Variants in HNF4A observed in about 807,000 individuals in gnomAD.
The protein encoded by HNF4A is hepatocyte nuclear factor 4 alpha, also known as hepatocyte nuclear factor 4-alpha.
Under a neutral mutation model 52.4 loss-of-function variants are expected in HNF4A, and 15 were observed. The ratio of observed to expected loss-of-function variants is 0.29; its 90% CI spans 0.19 to 0.44. The LOEUF (loss-of-function observed/expected upper bound fraction) is 0.44, where lower values mean the gene tolerates loss of function less well. Among genes scored for constraint, HNF4A ranks in the 20% least tolerant of loss-of-function variants. HNF4A has a pLI of 1.00. For synonymous variants in HNF4A, 280 were observed against 264.4 expected (o/e 1.06, Z -0.57); for missense variants, 479 against 647.2 (o/e 0.74, Z 2.82).
Position 44,429,766 on chromosome 20 carries a change from C to G in HNF4A, c.*101C>G, listed in dbSNP as rs2063856727. 1 of 1,239,610 alleles carries G rather than the reference C, an allele frequency of 8.1e-7. No individual in the cohort carries two copies. The highest frequency in any genetic ancestry group is 1.2e-6 in the Non-Finnish European group (1 of 852,948). 76.8% of individuals were successfully genotyped at this position (1,239,610 alleles called of 1,614,324 possible). A position where few individuals can be genotyped will look rare whatever the true frequency, so the allele number is the denominator to read the frequency against. On this transcript the variant is annotated 3_prime_UTR_variant, in exon 10 of 10. Transcript: ENST00000316099. ...GGCAAAGGAAGACGTGATGCCAGGACCAGTCCCAGAGCAGGAATGGGAAGG... is the reference window on the plus strand; with the variant it reads ...GGCAAAGGAAGACGTGATGCCAGGAGCAGTCCCAGAGCAGGAATGGGAAGG...
intron 1 of HNF4A, among the ~76,000 whole-genome samples, chr20:44,394,359 G>A (rs2063333240): frequency 6.6e-6 from 1 of 152,088 alleles, no homozygotes; most frequent in South Asian, 2.1e-4. Flanking sequence ...GTGCAATGAG[G>A]GGATGGGGCT....
chr20:44,406,303 C>A, intron 2 of HNF4A, 71 bp downstream of exon 2: 1 of 1,410,674 alleles, frequency 7.1e-7, no homozygotes, highest in Non-Finnish European at 9.8e-7. Context: ...TCTGTCTTCT[C>A]CCTGAGTGGG....
intron 1 of HNF4A, among the ~76,000 whole-genome samples, chr20:44,365,993 C>T (rs903315670): frequency 2.0e-5 from 3 of 152,024 alleles, no homozygotes; most frequent in East Asian, 1.9e-4. Context: ...GGTGACACAG[C>T]GTAATCCTAG....
rs1045220039 is a variant in HNF4A at position 44,411,461 on chromosome 20, C to T, written c.386-2233C>T. ...GCTGCTGACAGCAGCCCTTTCATTC[C>T]GCCCGCCGGCCACTCGGCGCCCTGA... is the stretch of plus-strand genomic sequence containing the variant. On this transcript the variant is annotated intron_variant, in intron 3 of 9. Coordinates refer to ENST00000316099, the MANE Select transcript of HNF4A (RefSeq NM_000457.6). 1.9e-4 allele frequency among the ~76,000 whole-genome samples: 29 copies of T among 152,146 alleles called. 1 individual carries two copies. Among genetic ancestry groups the T allele is most frequent in the Admixed American group, 1.8e-3 (27 of 15,300 alleles).
intron 7 of HNF4A, among the ~76,000 whole-genome samples, chr20:44,421,636 C>T (rs1281013322): frequency 1.3e-5 from 2 of 151,790 alleles, no homozygotes; most frequent in African/African-American, 2.4e-5. Context: ...TGCCTGTAAT[C>T]CCAGCTACTC....
intron 1 of HNF4A, among the ~76,000 whole-genome samples, chr20:44,362,159 C>G (rs776811494): frequency 1.3e-5 from 2 of 151,902 alleles, no homozygotes; most frequent in Non-Finnish European, 2.9e-5. Flanking sequence ...GGATTACACG[C>G]CTGTAATCCC....
Position 44,424,525 on chromosome 20 carries a change from C to G in HNF4A, c.1129+271C>G, listed in dbSNP as rs2063792310. The G allele has an allele frequency of 2.9e-6, 3 of 1,042,404 alleles. No individual in the cohort carries two copies. The East Asian group carries it at 7.8e-5, about 27-fold the overall frequency. The allele number at this position is 1,042,404 out of a possible 1,614,324, so 64.6% of individuals were successfully genotyped here. A position where few individuals can be genotyped will look rare whatever the true frequency, so the allele number is the denominator to read the frequency against. ...AACAAGATCTTTGCCCTCGGGGAGG[C>G]TGTGTGTGTGTGAGTATGTATGGAT... On this transcript the variant is annotated intron_variant, in intron 8 of 9. Coordinates refer to ENST00000316099, the MANE Select transcript of HNF4A (RefSeq NM_000457.6).
At chr20:44,361,490 G>A (rs2062916090) in intron 1 of HNF4A, among the ~76,000 whole-genome samples, 1 of 152,078 alleles carries the variant, frequency 6.6e-6, no homozygotes, top group Non-Finnish European at 1.5e-5. Context: ...TAAGGCACTG[G>A]GGAAACACAG....
chr20:44,372,948 G>C (rs534789774), intron 1 of HNF4A: 4 of 152,376 alleles, frequency 2.6e-5, no homozygotes, highest in African/African-American at 9.6e-5. Flanking sequence ...TTGGGTTAGA[G>C]CTACATCCAC....
At chr20:44,409,684 T>C (rs558288370) in intron 3 of HNF4A, among the ~76,000 whole-genome samples, 5 of 152,304 alleles carry the variant, frequency 3.3e-5, no homozygotes, top group Non-Finnish European at 5.9e-5. Context: ...TTTAGGGACA[T>C]TTCTGTCTCT....
At chr20:44,376,609 T>C (rs1406789977) in intron 1 of HNF4A, among the ~76,000 whole-genome samples, 2 of 152,146 alleles carry the variant, frequency 1.3e-5, no homozygotes, top group Non-Finnish European at 2.9e-5. Context: ...CACTTAGAGT[T>C]GAAGCCCCTT....
intron 3 of HNF4A, among the ~76,000 whole-genome samples, chr20:44,412,590 C>T (rs1226493381): frequency 6.6e-6 from 1 of 152,072 alleles, no homozygotes; most frequent in Non-Finnish European, 1.5e-5. Flanking sequence ...TTTTGAGCAG[C>T]AGGCGACATG....
chr20:44,394,353 A>G (rs1452015613), intron 1 of HNF4A, among the ~76,000 whole-genome samples: 1 of 152,132 alleles, frequency 6.6e-6, no homozygotes, highest in Non-Finnish European at 1.5e-5. Flanking sequence ...CCATCTGTGC[A>G]ATGAGGGGAT....
chr20:44,422,836 G>T (rs1047098770), intron 7 of HNF4A, among the ~76,000 whole-genome samples: 2 of 151,538 alleles, frequency 1.3e-5, no homozygotes, highest in African/African-American at 4.8e-5. Flanking sequence ...GTGTCACCAC[G>T]CCAGGTGAAT....
At chr20:44,422,727 T>G (rs2063763631) in intron 7 of HNF4A, among the ~76,000 whole-genome samples, 1 of 150,924 alleles carries the variant, frequency 6.6e-6, no homozygotes. Flanking sequence ...TCACCCAGGC[T>G]GGAGTGCAGT....
chr20:44,369,249 C>CAAAA (rs751374772), intron 1 of HNF4A, among the ~76,000 whole-genome samples: 275 of 24,822 alleles, frequency 0.011, 45 homozygotes, highest in Admixed American at 0.018. Flanking sequence ...AACTCCATCT[C>CAAAA]AAAAAAAAAA....
In HNF4A at chr20:44,419,807, C is replaced by G; in HGVS notation, c.823C>G (p.Pro275Ala). The G allele has an allele frequency of 6.2e-7, 1 of 1,614,160 alleles. No homozygotes were observed. The highest frequency in any genetic ancestry group is 8.5e-7 in the Non-Finnish European group (1 of 1,180,008). The change falls in exon 7 of 10, where the codon CCC (proline) becomes GCC (alanine). Residue 275 changes from proline (P) to alanine (A), a missense_variant. Physicochemically the swap from Pro to Ala is conservative, Grantham distance 27. This residue lies in a region of HNF4A where 389 missense variants were observed against 525.1 expected (regional missense o/e 0.74). Transcript: ENST00000316099. Reference sequence around the variant, plus strand: ...ACGCATCCTTGACGAGCTGGTGCTGCCCTTCCAGGAGCTGCAGATCGATGA... The same window carrying G: ...ACGCATCCTTGACGAGCTGGTGCTGGCCTTCCAGGAGCTGCAGATCGATGA...
chr20:44,380,658 G>A (rs1281009817), intron 1 of HNF4A, among the ~76,000 whole-genome samples: 1 of 151,990 alleles, frequency 6.6e-6, no homozygotes, highest in Non-Finnish European at 1.5e-5. Context: ...TATATATTTC[G>A]GACATTAACC....
chr20:44,370,694 A>T (rs1238007758), intron 1 of HNF4A, among the ~76,000 whole-genome samples: 1 of 152,166 alleles, frequency 6.6e-6, no homozygotes, highest in Non-Finnish European at 1.5e-5. Flanking sequence ...GACACACAGT[A>T]GGCGCCCCAT....
Sources: gnomAD v4.1 joint callset for allele counts (sites outside exome capture counted in the v4.1 genomes callset) on GRCh38, gnomAD v4.1.1 for gene constraint, gnomAD v4.1.1 regional missense constraint, MANE v1.5 for transcripts, NCBI Gene and HGNC (gene_info 2026-07-23, HGNC 2026-07-21) for gene names.